LSM12: variants seen among roughly 807,000 people sequenced by gnomAD.
LSM12 encodes LSM12 homolog.
For synonymous variants in LSM12, 74 were observed against 87.3 expected, an observed-to-expected ratio of 0.85 and a Z score of 0.85; for missense variants, 108 against 238.9, an observed-to-expected ratio of 0.45 and a Z score of 3.61.
chr17:44,061,282 A>G (rs2049791983), intron 2 of LSM12, among the ~76,000 whole-genome samples: 1 of 146,194 alleles, frequency 6.8e-6, no homozygotes, highest in South Asian at 2.2e-4. Flanking sequence ...GCACCATTGC[A>G]CTCCAGCCTG....
At chr17:44,065,765 A>G (rs2049864951) in intron 1 of LSM12, among the ~76,000 whole-genome samples, 1 of 152,096 alleles carries the variant, frequency 6.6e-6, no homozygotes. Context: ...CCCAAACCAC[A>G]TAAGCCCCTG....
At chr17:44,046,567 G>C (rs938539840) in intron 2 of LSM12, among the ~76,000 whole-genome samples, 1 of 150,662 alleles carries the variant, frequency 6.6e-6, no homozygotes, top group African/African-American at 2.4e-5. Context: ...ATCAGCCGGG[G>C]ATGGTGGCGG....
chr17:44,052,840 T>A (rs1052578114), intron 2 of LSM12, among the ~76,000 whole-genome samples: 1 of 150,950 alleles, frequency 6.6e-6, no homozygotes, highest in African/African-American at 2.4e-5. Flanking sequence ...TTTACATAAT[T>A]AATAAATAAA....
intron 2 of LSM12, among the ~76,000 whole-genome samples, chr17:44,060,057 C>T (rs558615527): frequency 5.9e-4 from 89 of 152,048 alleles, no homozygotes; most frequent in Non-Finnish European, 1.2e-3. Flanking sequence ...CCCAGCTACT[C>T]GGGAGGCTGA....
At chr17:44,047,930 T>C (rs2144087350) in intron 2 of LSM12, among the ~76,000 whole-genome samples, 1 of 150,854 alleles carries the variant, frequency 6.6e-6, no homozygotes, top group South Asian at 2.1e-4. Context: ...ACACCTGTAA[T>C]CCTAGCACTT....
intron 2 of LSM12, among the ~76,000 whole-genome samples, chr17:44,056,731 C>T (rs2049719412): frequency 6.6e-6 from 1 of 151,996 alleles, no homozygotes; most frequent in East Asian, 1.9e-4. Flanking sequence ...GGTACAGTGG[C>T]TCACACCTGT....
At chr17:44,066,993 C>T (rs1433403716), upstream of LSM12, among the ~76,000 whole-genome samples, 1 of 152,140 alleles carries the variant, frequency 6.6e-6, no homozygotes, top group East Asian at 1.9e-4. Flanking sequence ...GAGGACTTAA[C>T]GATACTTGGA....
At chr17:44,041,456 T>G (rs985683813) in intron 2 of LSM12, among the ~76,000 whole-genome samples, 1 of 152,090 alleles carries the variant, frequency 6.6e-6, no homozygotes, top group Admixed American at 6.6e-5. Flanking sequence ...AATCTGAGAC[T>G]CTAAAAACTC....
At chr17:44,059,072 G>A (rs1024968566) in intron 2 of LSM12, among the ~76,000 whole-genome samples, 3 of 151,960 alleles carry the variant, frequency 2.0e-5, no homozygotes, top group Admixed American at 6.6e-5. Context: ...AAGCTTGGGC[G>A]GATCACTTGA....
intron 2 of LSM12, among the ~76,000 whole-genome samples, chr17:44,056,883 T>C (rs2049721768): frequency 6.6e-6 from 1 of 151,616 alleles, no homozygotes; most frequent in African/African-American, 2.4e-5. Flanking sequence ...CCCAGCTACT[T>C]GGGAGGCTGA....
intron 2 of LSM12, among the ~76,000 whole-genome samples, chr17:44,041,525 A>C (rs2144073781): frequency 6.6e-6 from 1 of 152,282 alleles, no homozygotes; most frequent in East Asian, 1.9e-4. Flanking sequence ...TCTAACCATA[A>C]ACGCTGTCCA....
At chr17:44,038,147 G>A (rs1004427991) in intron 3 of LSM12, among the ~76,000 whole-genome samples, 3 of 151,936 alleles carry the variant, frequency 2.0e-5, no homozygotes, top group Admixed American at 6.6e-5. Context: ...CCAGGAGTTC[G>A]AGACCAGACT....
At chr17:44,044,665 A>G (rs148023979) in intron 2 of LSM12, among the ~76,000 whole-genome samples, 111 of 152,364 alleles carry the variant, frequency 7.3e-4, no homozygotes, top group Admixed American at 2.2e-3. Flanking sequence ...GTCCCCATCA[A>G]TGGGGGAGAC....
At chr17:44,037,358 A>G in intron 4 of LSM12, 54 bp downstream of exon 4, 3 of 1,521,356 alleles carry the variant, frequency 2.0e-6, no homozygotes, top group Non-Finnish European at 1.8e-6. Context: ...CTAAAGACTG[A>G]AGGCCTGAGG....
At position 44,036,088 on chromosome 17, in the gene LSM12, C is replaced by T; in HGVS notation, c.*120G>A. On this transcript the variant is annotated 3_prime_UTR_variant, in exon 5 of 5. Coordinates refer to ENST00000293406, the MANE Select transcript of LSM12 (RefSeq NM_001371445.1). ...CAAGTCTAAGATTTGGAAATGCTGA[C>T]CCTTTGTTAAGAGCCAACAGGACAT... 1.3e-6 allele frequency: 1 copy of T among 759,802 alleles called. No homozygotes were observed. Among genetic ancestry groups the T allele is most frequent in the Non-Finnish European group, 2.1e-6 (1 of 479,498 alleles). The allele number at this position is 759,802 out of a possible 1,614,324, so 47.1% of individuals were successfully genotyped here. A position where few individuals can be genotyped will look rare whatever the true frequency, so the allele number is the denominator to read the frequency against.
intron 2 of LSM12, among the ~76,000 whole-genome samples, chr17:44,059,603 T>G (rs543424896): frequency 6.6e-6 from 1 of 152,256 alleles, no homozygotes; most frequent in African/African-American, 2.4e-5. Flanking sequence ...TCAAGCTTCC[T>G]CTTACATGCT....
At chr17:44,065,702 G>C (rs1358397769) in intron 1 of LSM12, among the ~76,000 whole-genome samples, 3 of 152,074 alleles carry the variant, frequency 2.0e-5, no homozygotes, top group Non-Finnish European at 4.4e-5. Context: ...CCATGTGCTG[G>C]ACTGATCAAG....
At chr17:44,048,299 T>C (rs1325900713) in intron 2 of LSM12, among the ~76,000 whole-genome samples, 2 of 151,764 alleles carry the variant, frequency 1.3e-5, no homozygotes, top group Admixed American at 6.6e-5. Context: ...CTGGTCAACA[T>C]AGCGAAACCC....
At chr17:44,051,846 G>A (rs1457941980) in intron 2 of LSM12, among the ~76,000 whole-genome samples, 2 of 151,954 alleles carry the variant, frequency 1.3e-5, no homozygotes, top group South Asian at 2.1e-4. Flanking sequence ...AGTGGTTCAC[G>A]CTTATAATCC....
Sources: allele counts gnomAD v4.1 joint callset (sites outside exome capture counted in the v4.1 genomes callset), GRCh38; gene constraint gnomAD v4.1.1; transcripts MANE v1.5; gene names NCBI Gene and HGNC (gene_info 2026-07-23, HGNC 2026-07-21).